The following ZNF83 variants were observed in gnomAD, a reference collection of about 807,000 sequenced individuals.
ZNF83 encodes the protein zinc finger protein 816B.
For missense variants in ZNF83, 552 were observed against 629.9 expected (o/e 0.88, Z 1.32); for synonymous variants, 209 against 213.0 (o/e 0.98, Z 0.17).
At chr19:52,628,006 C>A (rs1161735196) in intron 2 of ZNF83, among the ~76,000 whole-genome samples, 2 of 152,100 alleles carry the variant, frequency 1.3e-5, no homozygotes, top group Non-Finnish European at 2.9e-5. Flanking sequence ...GTTGTGACAC[C>A]CACTCCTGCC....
chr19:52,640,534 T>C (rs535508016), upstream of ZNF83, among the ~76,000 whole-genome samples: 4 of 152,258 alleles, frequency 2.6e-5, no homozygotes, highest in African/African-American at 9.6e-5. Flanking sequence ...GAAAACTCTT[T>C]TTTGTTTTTC....
At chr19:52,636,361 ATTT>A (rs35975656) in intron 1 of ZNF83, 1 of 151,210 alleles carries the variant, frequency 6.6e-6, no homozygotes, top group Non-Finnish European at 1.5e-5. Context: ...ACAGAAAGGG[ATTT>A]TTTTCTCACT....
At chr19:52,683,870 C>T (rs145394938) in intron 1 of ZNF83, among the ~76,000 whole-genome samples, 1 of 152,210 alleles carries the variant, frequency 6.6e-6, no homozygotes, top group East Asian at 1.9e-4. Flanking sequence ...CTGCTGTTGT[C>T]CTGTGGCCAA....
chr19:52,619,107 C>T lies in ZNF83; in HGVS notation c.-233-4310G>A, dbSNP rs571706474. The T allele has an allele frequency of 7.6e-6, 12 of 1,570,164 alleles. No homozygotes were observed. In the African/African-American group the frequency reaches 1.7e-4, roughly 22 times the overall value. On this transcript the variant is annotated intron_variant, in intron 2 of 2. Transcript: ENST00000301096. ...TAACCAAATGGTTATGGGAGGAGTT[C>T]TTATCTTTACAGAAAATGAGGAGAG... is the stretch of plus-strand genomic sequence containing the variant.
upstream of ZNF83, chr19:52,638,400 C>CCCGCGAGGTGGGCGGGGT (rs2147211951): frequency 6.6e-6 from 1 of 152,220 alleles, no homozygotes; most frequent in African/African-American, 2.4e-5. Flanking sequence ...CTGGGCGGGG[C>CCCGCGAGGTGGGCGGGGT]CCGCGAGGTG....
intron 3 of ZNF83, among the ~76,000 whole-genome samples, chr19:52,645,135 C>T (rs1447295253): frequency 6.6e-6 from 1 of 151,686 alleles, no homozygotes; most frequent in Non-Finnish European, 1.5e-5. Context: ...TAATAGCTTA[C>T]AGCTCAAGAT....
intron 3 of ZNF83, among the ~76,000 whole-genome samples, chr19:52,644,334 G>A (rs1215766901): frequency 3.3e-5 from 5 of 152,054 alleles, no homozygotes; most frequent in East Asian, 3.9e-4. Flanking sequence ...GAGCTTTTCC[G>A]GTCTAGCCCC....
chr19:52,689,704 G>A (rs190609491), intron 1 of ZNF83, among the ~76,000 whole-genome samples: 8 of 151,482 alleles, frequency 5.3e-5, no homozygotes, highest in Non-Finnish European at 2.9e-5. Flanking sequence ...CATCTCTTAT[G>A]GCTCTTTCTC....
intron 1 of ZNF83, among the ~76,000 whole-genome samples, chr19:52,663,242 T>G (rs1034106055): frequency 6.6e-6 from 1 of 152,200 alleles, no homozygotes; most frequent in African/African-American, 2.4e-5. Context: ...TCTAAGGTCC[T>G]GATGGCATGA....
At chr19:52,679,067 C>T (rs1458026628) in intron 1 of ZNF83, among the ~76,000 whole-genome samples, 2 of 151,822 alleles carry the variant, frequency 1.3e-5, no homozygotes, top group East Asian at 3.9e-4. Context: ...ATATCTGTTA[C>T]AGGGTTGATT....
At chr19:52,635,882 G>A (rs1270183354) in intron 1 of ZNF83, 2 of 151,444 alleles carry the variant, frequency 1.3e-5, no homozygotes, top group Admixed American at 1.3e-4. Flanking sequence ...ATCCCAGCTA[G>A]TTGGGAGGCT....
chr19:52,683,228 C>CTGTGTGTGTGTGTGTGTGTG (rs67463602), intron 1 of ZNF83, among the ~76,000 whole-genome samples: 1 of 128,060 alleles, frequency 7.8e-6, no homozygotes, highest in Non-Finnish European at 1.7e-5. Flanking sequence ...CCCTGTGACT[C>CTGTGTGTGTGTGTGTGTGTG]TGTGTGTGTG....
intron 2 of ZNF83, among the ~76,000 whole-genome samples, chr19:52,621,962 C>T (rs2060566129): frequency 6.6e-6 from 1 of 151,666 alleles, no homozygotes. Flanking sequence ...TTCTTTCCCT[C>T]CTGCCTGTCC....
intron 2 of ZNF83, among the ~76,000 whole-genome samples, chr19:52,657,040 T>A (rs2061515069): frequency 1.3e-5 from 2 of 151,882 alleles, no homozygotes; most frequent in African/African-American, 4.8e-5. Flanking sequence ...TGCTTGAGCC[T>A]GGAGAGCAGA....
At chr19:52,664,561 A>G (rs2061622409) in intron 1 of ZNF83, among the ~76,000 whole-genome samples, 2 of 152,188 alleles carry the variant, frequency 1.3e-5, no homozygotes, top group South Asian at 2.1e-4. Flanking sequence ...TCTAAGGCCA[A>G]TTAACACGAA....
intron 1 of ZNF83, among the ~76,000 whole-genome samples, chr19:52,661,233 T>C (rs10418005): frequency 0.28 from 42,909 of 151,940 alleles, 6,287 homozygotes; most frequent in Middle Eastern, 0.36. Flanking sequence ...CCTTACCCGG[T>C]ATAAAGACTG....
chr19:52,629,526 C>A (rs2060871816), intron 2 of ZNF83, among the ~76,000 whole-genome samples: 1 of 152,288 alleles, frequency 6.6e-6, no homozygotes, highest in South Asian at 2.1e-4. Context: ...CTTTTTATCA[C>A]CTCACCTGCT....
At chr19:52,618,672 C>T (rs928147262) in intron 2 of ZNF83, 4 of 547,764 alleles carry the variant, frequency 7.3e-6, no homozygotes, top group Admixed American at 3.8e-5. Context: ...GCTGGGATTA[C>T]AGGCATGAGT....
intron 2 of ZNF83, among the ~76,000 whole-genome samples, chr19:52,622,686 A>G (rs2060591978): frequency 6.6e-6 from 1 of 152,240 alleles, no homozygotes; most frequent in Non-Finnish European, 1.5e-5. Flanking sequence ...TCTGGCAGCA[A>G]TTCTGAGACA....
Sources: gnomAD v4.1 joint callset for allele counts (sites outside exome capture counted in the v4.1 genomes callset) on GRCh38, gnomAD v4.1.1 for gene constraint, MANE v1.5 for transcripts, NCBI Gene and HGNC (gene_info 2026-07-23, HGNC 2026-07-21) for gene names.